Variants in NOBOX observed in about 807,000 individuals in gnomAD.
NOBOX encodes NOBOX oogenesis homeobox, also known as homeobox protein NOBOX.
A neutral mutation model predicts 60.2 loss-of-function variants in NOBOX; 46 were observed. The observed-to-expected ratio is 0.76, with a 90% CI of 0.60 to 0.98. The LOEUF (loss-of-function observed/expected upper bound fraction) is 0.98. NOBOX is among the 50% of genes least tolerant of loss of function. The probability of loss-of-function intolerance (pLI) is 0.00; values close to 1 mark genes in which losing one functional copy is unlikely to be tolerated. For missense variants in NOBOX, 880 were observed against 865.5 expected (o/e 1.02, Z -0.21); for synonymous variants, 360 against 346.3 (o/e 1.04, Z -0.44).
At chr7:144,402,529 C>T (rs2053949286) in intron 2 of NOBOX, among the ~76,000 whole-genome samples, 1 of 152,132 alleles carries the variant, frequency 6.6e-6, no homozygotes, top group African/African-American at 2.4e-5. Flanking sequence ...TGAGCACGTA[C>T]TCTGTGTACT....
chr7:144,403,452 G>A (rs1006471180), intron 2 of NOBOX, among the ~76,000 whole-genome samples: 2 of 151,932 alleles, frequency 1.3e-5, no homozygotes, highest in African/African-American at 4.8e-5. Context: ...AGGGGGCGCG[G>A]GGGAGCGGGG....
At position 144,398,300 on chromosome 7, in the gene NOBOX, G is replaced by C; in HGVS notation, c.1756C>G (p.Pro586Ala). 2.0e-6 allele frequency: 3 copies of C among 1,537,232 alleles called. No homozygotes were observed. The South Asian group carries it at 3.6e-5, about 18-fold the overall frequency. Reference sequence around the variant, plus strand: ...AACTCACCTATATTCCCAGCAGGTGGTTGCATCAGGATCTGTCCTGAGGAG... The same window carrying C: ...AACTCACCTATATTCCCAGCAGGTGCTTGCATCAGGATCTGTCCTGAGGAG... Residue 586 changes from proline (P) to alanine (A), a missense_variant, in exon 9 of 10, where the codon CCA becomes GCA. Pro to Ala is a conservative substitution (Grantham distance 27). Transcript: ENST00000467773.
intron 2 of NOBOX, among the ~76,000 whole-genome samples, chr7:144,404,172 C>T (rs902958796): frequency 6.6e-6 from 1 of 152,200 alleles, no homozygotes; most frequent in African/African-American, 2.4e-5. Flanking sequence ...AAAGGGGAAG[C>T]GCTGGGTTGC....
chr7:144,401,889 C>G lies in NOBOX; in HGVS notation c.272G>C (p.Gly91Ala), dbSNP rs760310579. Reference sequence around the variant, plus strand: ...CTCACCCCTTGTGAGTTCCCTTTTCCCAGACACCAGGGGTATGAGTTTGAG... The same window carrying G: ...CTCACCCCTTGTGAGTTCCCTTTTCGCAGACACCAGGGGTATGAGTTTGAG... The change falls in exon 3 of 10, where the codon GGG becomes GCG. Residue 91 changes from glycine to alanine, a missense_variant. Gly to Ala is a moderately conservative substitution (Grantham distance 60). Transcript: ENST00000467773. The surrounding 1 kb of genome is among the most constrained non-coding windows in gnomAD (Gnocchi z 4.2). 9 of 1,611,484 alleles carry G rather than the reference C, an allele frequency of 5.6e-6. No individual in the cohort carries two copies. In the East Asian group the frequency reaches 2.0e-4, roughly 36 times the overall value.
intron 8 of NOBOX, 38 bp from the exon 7 acceptor site, chr7:144,398,624 TG>T: frequency 2.1e-6 from 3 of 1,415,762 alleles, no homozygotes; most frequent in African/African-American, 1.4e-5. Context: ...GGTGCAGGGG[TG>T]GGGGAGCTCC....
intron 2 of NOBOX, among the ~76,000 whole-genome samples, chr7:144,402,304 C>G (rs2053947311): frequency 6.6e-6 from 1 of 151,938 alleles, no homozygotes; most frequent in African/African-American, 2.4e-5. Context: ...AACTAAAAAC[C>G]CTACCACTCA....
At chr7:144,397,620 C>T (rs560698637) in intron 9 of NOBOX, 79 bp from the exon 8 acceptor site, 2 of 1,243,106 alleles carry the variant, frequency 1.6e-6, no homozygotes, top group South Asian at 1.6e-5. Context: ...TACAACAGAT[C>T]CCCCCGTGCC....
chr7:144,404,346 C>G (rs916296513), intron 2 of NOBOX, among the ~76,000 whole-genome samples: 1 of 152,048 alleles, frequency 6.6e-6, no homozygotes, highest in Admixed American at 6.5e-5. Context: ...CTCCCGGGTT[C>G]AAGCGATTCT....
chr7:144,400,785 G>A (rs1008262820), intron 4 of NOBOX, among the ~76,000 whole-genome samples: 1 of 152,170 alleles, frequency 6.6e-6, no homozygotes, highest in Non-Finnish European at 1.5e-5. Context: ...TAATCCACCT[G>A]CCTCGGCCTC....
In NOBOX at chr7:144,398,571, G is replaced by C. The variant is rs2128861019; in HGVS notation, c.1485C>G (p.Pro495=). 1 of 1,535,894 alleles carries C rather than the reference G, an allele frequency of 6.5e-7. No homozygotes were observed. Among genetic ancestry groups the C allele is most frequent in the Middle Eastern group, 1.9e-4 (1 of 5,232 alleles). ...CCAGCTCCTCCAAATATGAACAGGG[G>C]GGTGGCAGGGTGATGCTGCAAGGAC... Residue 495 remains proline, a synonymous_variant, in exon 9 of 10, where the codon CCC becomes CCG. Transcript: ENST00000467773.
rs1323975333 is a variant in NOBOX at position 144,397,374 on chromosome 7, T to C, written c.1942A>G (p.Met648Val). Residue 648 changes from methionine to valine, a missense_variant, in exon 10 of 10, where the codon ATG becomes GTG. Coordinates refer to ENST00000467773, the MANE Select transcript of NOBOX (RefSeq NM_001080413.3). ...GTCCCTGGTCTGGCCCCTTCAGGCA[T>C]CCATGAGAGAGCTGACGAAGGCTGC... The C allele has an allele frequency of 6.5e-7, 1 of 1,537,228 alleles. No homozygotes were observed. Among genetic ancestry groups the C allele is most frequent in the South Asian group, 1.2e-5 (1 of 84,060 alleles).
chr7:144,399,733 T>C (rs780998763), intron 6 of NOBOX, 24 bp downstream of exon 4: 3 of 1,571,866 alleles, frequency 1.9e-6, no homozygotes, highest in African/African-American at 2.7e-5. Flanking sequence ...ACAGGGATGA[T>C]ACAGAAAGAG....
rs764306272 is a variant in NOBOX, at chr7:144,404,673, G to T, written c.93C>A (p.Pro31=). 2 of 1,613,578 alleles carry T rather than the reference G, an allele frequency of 1.2e-6. No homozygotes were observed. The highest frequency in any genetic ancestry group is 2.2e-5 in the South Asian group (2 of 91,022). Residue 31 remains proline, a synonymous_variant, in exon 2 of 10, where the codon CCC becomes CCA. Coordinates refer to ENST00000467773, the MANE Select transcript of NOBOX (RefSeq NM_001080413.3). ...ACACAGGAAATTCAGGTACAGCCAG[G>T]GGCGGCCCTGCCAGGGACGGTGTGG...
At chr7:144,398,674 T>G (rs2053912682) in intron 8 of NOBOX, 88 bp from the exon 7 acceptor site, 1 of 916,986 alleles carries the variant, frequency 1.1e-6, no homozygotes. Context: ...ACCTCTCGCC[T>G]CCTCCTCATC....
At chr7:144,397,789 G>A (rs1258185917) in intron 9 of NOBOX, among the ~76,000 whole-genome samples, 1 of 152,096 alleles carries the variant, frequency 6.6e-6, no homozygotes, top group African/African-American at 2.4e-5. Context: ...ATGCTGTTTC[G>A]TACATGCAAC....
At chr7:144,408,074 C>T (rs1433228178) in intron 1 of NOBOX, among the ~76,000 whole-genome samples, 2 of 151,984 alleles carry the variant, frequency 1.3e-5, no homozygotes, top group Non-Finnish European at 2.9e-5. Context: ...CCCTCAAAAC[C>T]CGGCCCCAAC....
rs369397014 is a variant in NOBOX, at chr7:144,404,728, G to A, written c.86-48C>T. 1.4e-5 allele frequency: 23 copies of A among 1,600,978 alleles called. No homozygotes were observed. The African/African-American group carries it at 1.5e-4, about 10-fold the overall frequency. ...TGTGTTTCCATCCATTTGGTGTTTCGATTTTATTCTCTGAGAATGGAAGGG... is the reference window on the plus strand; with the variant it reads ...TGTGTTTCCATCCATTTGGTGTTTCAATTTTATTCTCTGAGAATGGAAGGG... On this transcript the variant is annotated intron_variant, in intron 1 of 9. Coordinates refer to ENST00000467773, the MANE Select transcript of NOBOX (RefSeq NM_001080413.3).
chr7:144,406,796 G>A (rs982789159), intron 1 of NOBOX, among the ~76,000 whole-genome samples: 2 of 152,154 alleles, frequency 1.3e-5, no homozygotes, highest in Non-Finnish European at 2.9e-5. Flanking sequence ...TCAAGTGAAG[G>A]AGGTTTGCTA....
At chr7:144,404,103 G>A (rs1391089385) in intron 2 of NOBOX, among the ~76,000 whole-genome samples, 2 of 152,190 alleles carry the variant, frequency 1.3e-5, no homozygotes, top group Non-Finnish European at 2.9e-5. Context: ...CTCAGTCCTG[G>A]ATCGTGGCTA....
Sources: allele counts gnomAD v4.1 joint callset (sites outside exome capture counted in the v4.1 genomes callset), GRCh38; gene constraint gnomAD v4.1.1; non-coding constraint Gnocchi (gnomAD v3.1); transcripts MANE v1.5; gene names NCBI Gene and HGNC (gene_info 2026-07-23, HGNC 2026-07-21).